MTUS2: variants seen among roughly 807,000 people sequenced by gnomAD.
MTUS2 encodes the protein microtubule-associated tumor suppressor candidate 2.
A neutral mutation model predicts 114.1 loss-of-function variants in MTUS2; 40 were observed. That is an observed-to-expected ratio of 0.35 (90% CI 0.27 to 0.46). The LOEUF is 0.46. MTUS2 is among the 20% of genes least tolerant of loss of function. MTUS2 has a pLI of 1.00. For synonymous variants in MTUS2, 688 were observed against 672.0 expected (o/e 1.02, Z -0.37); for missense variants, 1,679 against 1,705.4 (o/e 0.98, Z 0.27).
chr13:28,896,653 A>G (rs1255567386), intron 2 of MTUS2, among the ~76,000 whole-genome samples: 2 of 152,228 alleles, frequency 1.3e-5, no homozygotes, highest in African/African-American at 2.4e-5. Context: ...TTCAAACTAT[A>G]CTACAAGGCT....
chr13:29,120,242 C>A (rs1467299980), intron 5 of MTUS2, among the ~76,000 whole-genome samples: 1 of 146,256 alleles, frequency 6.8e-6, no homozygotes, highest in Non-Finnish European at 1.5e-5. Context: ...AAAAAAGAAA[C>A]CTTAAAGGTA....
At chr13:29,486,378 C>T (rs908983543) in intron 10 of MTUS2, among the ~76,000 whole-genome samples, 2 of 152,140 alleles carry the variant, frequency 1.3e-5, no homozygotes, top group African/African-American at 4.8e-5. Flanking sequence ...AATGGGAAAC[C>T]ACCCTTTTTT....
chr13:28,877,113 C>T (rs889166360), intron 2 of MTUS2, among the ~76,000 whole-genome samples: 15 of 150,236 alleles, frequency 1.0e-4, no homozygotes, highest in African/African-American at 3.7e-4. Flanking sequence ...TATGATGAAA[C>T]CCCGTCTCTA....
chr13:28,985,246 A>T (rs1331489657), intron 2 of MTUS2, among the ~76,000 whole-genome samples: 2 of 152,190 alleles, frequency 1.3e-5, no homozygotes, highest in South Asian at 2.1e-4. Context: ...TCCAATTCAG[A>T]CATATCTTTG....
intron 5 of MTUS2, among the ~76,000 whole-genome samples, chr13:29,150,031 A>T: frequency 6.6e-6 from 1 of 152,130 alleles, no homozygotes; most frequent in East Asian, 1.9e-4. Context: ...ATTTTAAAAT[A>T]GTTTTTTCTA....
rs114286408 is a variant in MTUS2 at position 29,425,583 on chromosome 13, G to T, written c.3118-14400G>T. On this transcript the variant is annotated intron_variant, in intron 8 of 15. Coordinates refer to ENST00000612955, the MANE Select transcript of MTUS2 (RefSeq NM_001033602.4). ...AAAAAAGGATAGATGAAACAAGTGT[G>T]CCAACACCTTGATGACGGTTGAACC... Among the ~76,000 whole-genome samples, 939 of 152,266 alleles carry T rather than the reference G, an allele frequency of 6.2e-3. 9 individuals carry two copies. Among genetic ancestry groups the T allele is most frequent in the African/African-American group, 0.022 (900 of 41,538 alleles).
intron 5 of MTUS2, chr13:29,250,394 A>G (rs998809235): frequency 2.0e-5 from 3 of 151,992 alleles, no homozygotes; most frequent in Admixed American, 1.3e-4. Flanking sequence ...GACCATTCAG[A>G]AAAATATGAT....
Position 29,480,381 on chromosome 13 carries a change from G to T in MTUS2, c.3399+17G>T. Reference sequence around the variant, plus strand: ...CAGGAGCAGGTCAGTCTGCAGTGCGGCTCGAGCTCTGCTGTTGGGTGATGC... The same window carrying T: ...CAGGAGCAGGTCAGTCTGCAGTGCGTCTCGAGCTCTGCTGTTGGGTGATGC... On this transcript the variant is annotated intron_variant, in intron 10 of 15. Coordinates refer to ENST00000612955, the MANE Select transcript of MTUS2 (RefSeq NM_001033602.4). The surrounding 1 kb of genome is among the most constrained non-coding windows in gnomAD (Gnocchi z 4.4). 6.7e-7 allele frequency: 1 copy of T among 1,499,048 alleles called. No homozygotes were observed. The highest frequency in any genetic ancestry group is 8.9e-7 in the Non-Finnish European group (1 of 1,120,510). 92.9% of individuals were successfully genotyped at this position (1,499,048 alleles called of 1,614,324 possible). A position where few individuals can be genotyped will look rare whatever the true frequency, so the allele number is the denominator to read the frequency against.
chr13:28,934,148 A>T (rs957280267), intron 2 of MTUS2, among the ~76,000 whole-genome samples: 1 of 152,236 alleles, frequency 6.6e-6, no homozygotes, highest in Admixed American at 6.5e-5. Context: ...AAGTAAATCT[A>T]TTGTACATGC....
At chr13:29,382,372 T>C (rs1228907631) in intron 8 of MTUS2, among the ~76,000 whole-genome samples, 1 of 151,886 alleles carries the variant, frequency 6.6e-6, no homozygotes, top group African/African-American at 2.4e-5. Flanking sequence ...GGGAGGGTGA[T>C]GGGGGCCTGG....
chr13:29,146,953 TTTC>T (rs1363094176), intron 5 of MTUS2, among the ~76,000 whole-genome samples: 1 of 152,190 alleles, frequency 6.6e-6, no homozygotes, highest in Non-Finnish European at 1.5e-5. Context: ...TGGTGTCAAT[TTTC>T]AGTCAGGATG....
chr13:29,211,282 A>G (rs1372217115), intron 5 of MTUS2, among the ~76,000 whole-genome samples: 2 of 152,336 alleles, frequency 1.3e-5, no homozygotes, highest in East Asian at 1.9e-4. Context: ...GCCTTACCCA[A>G]TGCCCATACA....
Position 29,493,997 on chromosome 13 carries a change from G to T in MTUS2, c.3579+1278G>T, listed in dbSNP as rs137980400. Among the ~76,000 whole-genome samples the T allele has an allele frequency of 1.8e-3, 273 of 152,282 alleles. 1 individual carries two copies. Among genetic ancestry groups the T allele is most frequent in the Non-Finnish European group, 3.3e-3 (224 of 68,020 alleles). ...TCAAGCCAACCTCCTTGGTCTACAG[G>T]CACCTGGAGAAACAGGTTTGGTGGT... On this transcript the variant is annotated intron_variant, in intron 12 of 15. Transcript: ENST00000612955.
At chr13:29,193,898 A>G (rs1294982585) in intron 5 of MTUS2, among the ~76,000 whole-genome samples, 2 of 152,238 alleles carry the variant, frequency 1.3e-5, no homozygotes, top group African/African-American at 4.8e-5. Flanking sequence ...AAACAGAGAT[A>G]CAGATCAATG....
chr13:29,123,659 G>C (rs1252614508), intron 5 of MTUS2, among the ~76,000 whole-genome samples: 1 of 152,102 alleles, frequency 6.6e-6, no homozygotes, highest in African/African-American at 2.4e-5. Flanking sequence ...GAGGAGCCAA[G>C]ATCATGCCAT....
At chr13:29,437,161 G>A (rs971285677) in intron 8 of MTUS2, among the ~76,000 whole-genome samples, 7 of 152,114 alleles carry the variant, frequency 4.6e-5, no homozygotes, top group Non-Finnish European at 7.3e-5. Flanking sequence ...GGGAGATGTT[G>A]GCTTTCAGTT....
intron 3 of MTUS2, among the ~76,000 whole-genome samples, chr13:29,030,266 G>A (rs1343022546): frequency 2.6e-5 from 4 of 152,172 alleles, no homozygotes. Context: ...GCGGTTCTGA[G>A]GGGTTCAGAG....
intron 5 of MTUS2, among the ~76,000 whole-genome samples, chr13:29,234,328 G>A (rs939269660): frequency 6.6e-6 from 1 of 151,964 alleles, no homozygotes; most frequent in African/African-American, 2.4e-5. Context: ...TCCTCCACAC[G>A]TGATATTGGT....
At chr13:29,471,779 C>T (rs1039389374) in intron 9 of MTUS2, among the ~76,000 whole-genome samples, 1 of 147,298 alleles carries the variant, frequency 6.8e-6, no homozygotes, top group African/African-American at 2.5e-5. Flanking sequence ...CACTTAGTTC[C>T]TCTTTCTGAG....
Sources: gnomAD v4.1 joint callset for allele counts (sites outside exome capture counted in the v4.1 genomes callset) on GRCh38, gnomAD v4.1.1 for gene constraint, Gnocchi (gnomAD v3.1) non-coding constraint, MANE v1.5 for transcripts, NCBI Gene and HGNC (gene_info 2026-07-23, HGNC 2026-07-21) for gene names.